DNM3: variants seen among roughly 807,000 people sequenced by gnomAD.
The protein encoded by DNM3 is dynamin-3.
Under a neutral mutation model 101.6 loss-of-function variants are expected in DNM3, and 47 were observed. The observed-to-expected ratio is 0.46, with a 90% CI of 0.37 to 0.59. DNM3 has a LOEUF of 0.59. Among genes scored for constraint, DNM3 ranks in the 20% least tolerant of loss-of-function variants. DNM3 has a pLI of 0.00. For missense variants in DNM3, 849 were observed against 1,085.7 expected (o/e 0.78, Z 3.06); for synonymous variants, 385 against 387.9 (o/e 0.99, Z 0.09).
chr1:172,040,425 A>C (rs1040872317), intron 7 of DNM3, among the ~76,000 whole-genome samples: 1 of 152,020 alleles, frequency 6.6e-6, no homozygotes, highest in Non-Finnish European at 1.5e-5. Context: ...AAGTAGTTCC[A>C]GTATGTTTAA....
chr1:172,091,202 C>G (rs940434598), intron 12 of DNM3, among the ~76,000 whole-genome samples: 21 of 152,150 alleles, frequency 1.4e-4, no homozygotes, highest in African/African-American at 4.8e-4. Flanking sequence ...TTCATGAAAC[C>G]AACCATGTGC....
intron 6 of DNM3, among the ~76,000 whole-genome samples, chr1:172,036,826 A>C (rs2049002230): frequency 6.6e-6 from 1 of 152,020 alleles, no homozygotes; most frequent in South Asian, 2.1e-4. Context: ...GCTTCTGCAC[A>C]GCAAAAGAAA....
chr1:172,158,148 G>A lies in DNM3; in HGVS notation c.1659+26860G>A, dbSNP rs116732484. On this transcript the variant is annotated intron_variant, in intron 14 of 20. Transcript: ENST00000627582. ...GCAAGCAGTGAGGAAGTAAGCATGC[G>A]GATGACTGAGGAAAGAGCCTTTCAA... Among the ~76,000 whole-genome samples the A allele has an allele frequency of 5.7e-3, 859 of 152,028 alleles. 10 individuals are homozygous for A. The highest frequency in any genetic ancestry group is 0.02 in the African/African-American group (811 of 41,498).
At chr1:172,305,833 C>G (rs2064781037) in intron 15 of DNM3, among the ~76,000 whole-genome samples, 1 of 152,116 alleles carries the variant, frequency 6.6e-6, no homozygotes, top group Admixed American at 6.6e-5. Context: ...AATTCAACAG[C>G]CTTCACACTA....
intron 13 of DNM3, among the ~76,000 whole-genome samples, chr1:172,117,734 G>T (rs1321695614): frequency 6.6e-6 from 1 of 152,240 alleles, no homozygotes; most frequent in African/African-American, 2.4e-5. Flanking sequence ...TGTATTGGAA[G>T]TGGAGAGAGG....
At chr1:171,847,996 A>T (rs1280863117) in intron 1 of DNM3, among the ~76,000 whole-genome samples, 1 of 151,742 alleles carries the variant, frequency 6.6e-6, no homozygotes, top group Non-Finnish European at 1.5e-5. Context: ...TGACATTATT[A>T]TAAGAAGCTT....
intron 13 of DNM3, chr1:172,093,618 A>C: frequency 7.8e-7 from 1 of 1,285,182 alleles, no homozygotes; most frequent in East Asian, 2.4e-5. Context: ...ATTGTTTTGA[A>C]AGGAGAAGAG....
intron 4 of DNM3, among the ~76,000 whole-genome samples, chr1:172,027,313 A>G (rs2048275909): frequency 6.6e-6 from 1 of 151,974 alleles, no homozygotes; most frequent in Admixed American, 6.6e-5. Flanking sequence ...GGCTGGGCAC[A>G]GTAGCTCACA....
At chr1:172,246,773 C>T (rs946341487) in intron 14 of DNM3, among the ~76,000 whole-genome samples, 1 of 152,060 alleles carries the variant, frequency 6.6e-6, no homozygotes, top group African/African-American at 2.4e-5. Context: ...GGTTACATAA[C>T]TCTGTGTCAG....
At chr1:172,206,124 T>G (rs914771389) in intron 14 of DNM3, among the ~76,000 whole-genome samples, 1 of 152,170 alleles carries the variant, frequency 6.6e-6, no homozygotes, top group Admixed American at 6.6e-5. Context: ...GCTTTCAAGC[T>G]TACTATGACA....
chr1:172,248,631 C>T (rs1289343279), intron 14 of DNM3, among the ~76,000 whole-genome samples: 2 of 151,922 alleles, frequency 1.3e-5, no homozygotes, highest in East Asian at 1.9e-4. Context: ...TCAGAGAAGG[C>T]GTTCCTGGCA....
At chr1:172,184,564 T>C (rs899791772) in intron 14 of DNM3, among the ~76,000 whole-genome samples, 1 of 152,140 alleles carries the variant, frequency 6.6e-6, no homozygotes, top group East Asian at 1.9e-4. Flanking sequence ...GTCCCCAGGC[T>C]AGGTGCTCAG....
At chr1:172,167,337 G>T (rs1446055153) in intron 14 of DNM3, among the ~76,000 whole-genome samples, 1 of 152,082 alleles carries the variant, frequency 6.6e-6, no homozygotes, top group African/African-American at 2.4e-5. Flanking sequence ...CATTTGGGTT[G>T]GTTCCAAGTC....
Position 171,847,896 on chromosome 1 carries a change from CTGTGTG to C in DNM3, c.161+6110_161+6115del, listed in dbSNP as rs752990905. The stretch of plus-strand genomic sequence containing the variant: ...TATTAATTACTCTCTCTCTCTCTCT[CTGTGTG>C]TGTGTGTGTGTGTGTGTGTGTGTGT... On this transcript the variant is annotated intron_variant, in intron 1 of 20. Coordinates refer to ENST00000627582, the MANE Select transcript of DNM3 (RefSeq NM_015569.5). Among the ~76,000 whole-genome samples the C allele has an allele frequency of 4.7e-3, 659 of 141,214 alleles. 4 individuals carry two copies. The highest frequency in any genetic ancestry group is 0.016 in the African/African-American group (614 of 37,260). 92.6% of individuals were successfully genotyped at this position (141,214 alleles called of 152,430 possible). A position where few individuals can be genotyped will look rare whatever the true frequency, so the allele number is the denominator to read the frequency against.
intron 14 of DNM3, among the ~76,000 whole-genome samples, chr1:172,174,699 G>C (rs1455869189): frequency 6.6e-6 from 1 of 151,682 alleles, no homozygotes; most frequent in East Asian, 1.9e-4. Flanking sequence ...ACTGAGGGAA[G>C]ATTGGCAGAC....
At chr1:172,161,493 A>C (rs2058543307) in intron 14 of DNM3, among the ~76,000 whole-genome samples, 1 of 145,420 alleles carries the variant, frequency 6.9e-6, no homozygotes, top group African/African-American at 2.8e-5. Context: ...GATAAAAATC[A>C]ATCAAGAAAA....
chr1:172,365,991 A>T (rs1483476012), intron 17 of DNM3, among the ~76,000 whole-genome samples: 1 of 151,952 alleles, frequency 6.6e-6, no homozygotes, highest in African/African-American at 2.4e-5. Flanking sequence ...GCTAGTTCAG[A>T]GGCTTAAGCA....
chr1:172,159,705 A>G (rs2058474746), intron 14 of DNM3, among the ~76,000 whole-genome samples: 1 of 152,090 alleles, frequency 6.6e-6, no homozygotes. Context: ...GATGCAAAAT[A>G]TCAGCTAATG....
At chr1:172,396,242 T>C (rs1203968554) in intron 20 of DNM3, among the ~76,000 whole-genome samples, 1 of 152,236 alleles carries the variant, frequency 6.6e-6, no homozygotes, top group Non-Finnish European at 1.5e-5. Flanking sequence ...CCCAAGGACC[T>C]GAAAATATGT....
Sources: gnomAD v4.1 joint callset for allele counts (sites outside exome capture counted in the v4.1 genomes callset) on GRCh38, gnomAD v4.1.1 for gene constraint, MANE v1.5 for transcripts, NCBI Gene and HGNC (gene_info 2026-07-23, HGNC 2026-07-21) for gene names.